The following DMD variants were observed in gnomAD, a reference collection of about 807,000 sequenced individuals.
DMD encodes the protein mutant dystrophin.
DMD carries 63 observed loss-of-function variants against 330.1 expected under a neutral mutation model. The observed-to-expected ratio is 0.19, with a 90% confidence interval of 0.16 to 0.24. The LOEUF (loss-of-function observed/expected upper bound fraction) is 0.24. DMD is among the 10% of genes least tolerant of loss of function. The pLI is 1.00. For synonymous variants in DMD, 1,223 were observed against 959.8 expected (o/e 1.27, Z -5.07); for missense variants, 3,344 against 2,684.1 (o/e 1.25, Z -5.43).
intron 51 of DMD, among the ~76,000 whole-genome samples, chrX:31,736,181 A>C (rs1326572723): frequency 3.6e-5 from 4 of 111,782 alleles, no homozygotes; most frequent in Non-Finnish European, 7.5e-5. Flanking sequence ...GACGTCAATC[A>C]AATGCCTCTT....
At chrX:33,101,190 C>A (rs953976864) in intron 1 of DMD, among the ~76,000 whole-genome samples, 2 of 112,288 alleles carry the variant, frequency 1.8e-5, no homozygotes, top group Non-Finnish European at 3.8e-5. Context: ...TTGTTAATGT[C>A]CTACTAAAGC....
intron 41 of DMD, among the ~76,000 whole-genome samples, chrX:32,321,858 A>C (rs1320421741): frequency 8.0e-5 from 9 of 111,884 alleles, no homozygotes; most frequent in Non-Finnish European, 1.7e-4. Flanking sequence ...GAGAGTCCAT[A>C]CAAGTAGTAT....
At chrX:33,056,604 C>T (rs2148043870) in intron 1 of DMD, among the ~76,000 whole-genome samples, 1 of 110,562 alleles carries the variant, frequency 9.0e-6, no homozygotes, top group East Asian at 2.9e-4. Flanking sequence ...TCAGATGATC[C>T]GTCTGCCTCA....
At chrX:33,193,561 T>G (rs2050771558) in intron 1 of DMD, among the ~76,000 whole-genome samples, 1 of 112,510 alleles carries the variant, frequency 8.9e-6, no homozygotes, top group Non-Finnish European at 1.9e-5. Flanking sequence ...TTTATACTTC[T>G]ATTAGAAAGG....
At chrX:33,117,295 G>T (rs1603304047) in intron 1 of DMD, among the ~76,000 whole-genome samples, 1 of 110,816 alleles carries the variant, frequency 9.0e-6, no homozygotes, top group East Asian at 2.8e-4. Flanking sequence ...CTAATGTACA[G>T]CATGTTGACT....
At chrX:31,822,485 A>G (rs1360777690) in intron 49 of DMD, among the ~76,000 whole-genome samples, 1 of 111,889 alleles carries the variant, frequency 8.9e-6, no homozygotes, top group Non-Finnish European at 1.9e-5. Context: ...ACCACAGAGT[A>G]GATGGAAGTG....
chrX:32,212,197 G>A (rs2097096130), intron 44 of DMD, among the ~76,000 whole-genome samples: 1 of 112,117 alleles, frequency 8.9e-6, no homozygotes, highest in African/African-American at 3.2e-5. Flanking sequence ...GCGTTTGGCT[G>A]AATTGGAATT....
chrX:32,895,328 G>C (rs1435844215), intron 2 of DMD, among the ~76,000 whole-genome samples: 1 of 112,533 alleles, frequency 8.9e-6, no homozygotes, highest in African/African-American at 3.2e-5. Flanking sequence ...AAGTGGTTTA[G>C]TATTGTAATA....
intron 2 of DMD, among the ~76,000 whole-genome samples, chrX:33,015,172 C>T (rs1440970114): frequency 2.8e-5 from 3 of 108,840 alleles, no homozygotes; most frequent in African/African-American, 1.0e-4. Context: ...TGGGCATGTA[C>T]CCAGAGAAAT....
In DMD at chrX:33,129,887, G is replaced by A. The variant is rs758835158; in HGVS notation, c.31+81395C>T. Among the ~76,000 whole-genome samples the A allele has an allele frequency of 3.6e-5, 4 of 111,272 alleles. No homozygotes were observed. The South Asian group carries it at 1.5e-3, about 42-fold the overall frequency. On this transcript the variant is annotated intron_variant, in intron 1 of 78. Coordinates refer to ENST00000357033, the MANE Select transcript of DMD (RefSeq NM_004006.3). ...GTACTGCTTAGAAAGATTAGTTGAG[G>A]GTATTTCTTCTGTGGTATTACTTTA...
At chrX:33,005,476 A>G (rs1461213948) in intron 2 of DMD, among the ~76,000 whole-genome samples, 4 of 108,876 alleles carry the variant, frequency 3.7e-5, no homozygotes, top group Non-Finnish European at 7.6e-5. Flanking sequence ...CAGTTCCTCA[A>G]AATAAAGCAA....
intron 44 of DMD, among the ~76,000 whole-genome samples, chrX:32,152,360 A>G (rs2096808259): frequency 9.0e-6 from 1 of 111,552 alleles, no homozygotes; most frequent in Non-Finnish European, 1.9e-5. Context: ...CACTAACAAC[A>G]AATTTTCTTC....
Position 31,358,758 on chromosome X carries a change from A to G in DMD, c.9085-10124T>C, listed in dbSNP as rs1465768408. Reference sequence around the variant, plus strand: ...AAAGAAATGAAACTACAATGGTGTGAGGGAGGAATCTCCTGATTGTTAGCG... The same window carrying G: ...AAAGAAATGAAACTACAATGGTGTGGGGGAGGAATCTCCTGATTGTTAGCG... On this transcript the variant is annotated intron_variant, in intron 60 of 78. Coordinates refer to ENST00000357033, the MANE Select transcript of DMD (RefSeq NM_004006.3). Among the ~76,000 whole-genome samples the G allele has an allele frequency of 2.7e-5, 3 of 112,545 alleles. No individual in the cohort carries two copies. The East Asian group carries it at 8.3e-4, about 31-fold the overall frequency.
chrX:32,082,399 T>G (rs1031467292), intron 44 of DMD, among the ~76,000 whole-genome samples: 26 of 98,169 alleles, frequency 2.6e-4, no homozygotes, highest in Admixed American at 1.2e-3. Context: ...CGGCTATCTA[T>G]CTATCTATCT....
Position 32,468,546 on chromosome X carries a change from C to T in DMD, c.3114G>A (p.Glu1038=), listed in dbSNP as rs143810752. ...TTTGCTCCTCTAGCTTTTGACAATG[C>T]TCAACCAGCTGGGAGGAGAGCTTCT... ...RWKKLSSQLV[E]HCQKLEEQMN... The change falls in exon 23 of 79, where the codon GAG becomes GAA. Residue 1038 remains glutamate (E), a synonymous_variant. Coordinates refer to ENST00000357033, the MANE Select transcript of DMD (RefSeq NM_004006.3). 68 of 1,208,210 alleles carry T rather than the reference C, an allele frequency of 5.6e-5. No individual in the cohort carries two copies. Among genetic ancestry groups the T allele is most frequent in the Admixed American group, 1.1e-4 (5 of 45,474 alleles).
intron 52 of DMD, among the ~76,000 whole-genome samples, chrX:31,697,625 T>C (rs2083529560): frequency 8.9e-6 from 1 of 112,275 alleles, no homozygotes; most frequent in African/African-American, 3.2e-5. Context: ...TCAAGTTTTT[T>C]AGACTAGCTA....
intron 71 of DMD, among the ~76,000 whole-genome samples, chrX:31,176,299 G>T (rs943111167): frequency 2.7e-5 from 3 of 111,395 alleles, no homozygotes; most frequent in Non-Finnish European, 5.7e-5. Context: ...GTGTGTTTTA[G>T]TTGTTAGAAA....
chrX:33,229,834 A>T (rs2052357957), intron 1 of DMD, among the ~76,000 whole-genome samples: 1 of 112,243 alleles, frequency 8.9e-6, no homozygotes, highest in African/African-American at 3.2e-5. Flanking sequence ...TGGCATTAAA[A>T]CTATAGATTA....
chrX:32,378,128 T>G lies in DMD; in HGVS notation c.4845+2382A>C, dbSNP rs190082237. Among the ~76,000 whole-genome samples, 419 of 110,712 alleles carry G rather than the reference T, an allele frequency of 3.8e-3. 2 individuals carry two copies. Among genetic ancestry groups the G allele is most frequent in the Middle Eastern group, 0.033 (7 of 212 alleles). ...AACATACTACTAGTAAAGTTAAAATTATTTTAATTATTATTTTAATAATTT... is the reference window on the plus strand; with the variant it reads ...AACATACTACTAGTAAAGTTAAAATGATTTTAATTATTATTTTAATAATTT... On this transcript the variant is annotated intron_variant, in intron 34 of 78. Transcript: ENST00000357033.
Sources: allele counts gnomAD v4.1 joint callset (sites outside exome capture counted in the v4.1 genomes callset), GRCh38; gene constraint gnomAD v4.1.1; transcripts MANE v1.5; gene names NCBI Gene and HGNC (gene_info 2026-07-23, HGNC 2026-07-21).